Variants in TCF4 observed in about 807,000 individuals in gnomAD.
The protein encoded by TCF4 is transcription factor 4, also known as SL3-3 enhancer factor 2.
In TCF4, 3 loss-of-function variants were observed where a neutral mutation model predicts 82.1. The observed-to-expected ratio is 0.04, with a 90% CI of 0.02 to 0.09. TCF4 has a LOEUF of 0.09. TCF4 is among the 10% of genes least tolerant of loss of function. The pLI, the probability that TCF4 is intolerant of heterozygous loss-of-function variation, is 1.00. For synonymous variants in TCF4, 276 were observed against 309.6 expected, an observed-to-expected ratio of 0.89 and a Z score of 1.14; for missense variants, 518 against 852.7, an observed-to-expected ratio of 0.61 and a Z score of 4.89.
chr18:55,454,674 T>G (rs532080729), intron 5 of TCF4, among the ~76,000 whole-genome samples: 1 of 152,264 alleles, frequency 6.6e-6, no homozygotes, highest in South Asian at 2.1e-4. Context: ...CTTGAAGGTA[T>G]TCATAAAATA....
intron 7 of TCF4, 105 bp from the exon 8 acceptor site, chr18:55,350,513 T>C (rs891095679): frequency 1.7e-6 from 2 of 1,170,760 alleles, no homozygotes; most frequent in Non-Finnish European, 2.5e-6. Context: ...CCTTAAATCA[T>C]TACCTTAGCA....
At chr18:55,524,728 A>C (rs1236198048) in intron 3 of TCF4, among the ~76,000 whole-genome samples, 2 of 152,138 alleles carry the variant, frequency 1.3e-5, no homozygotes, top group Non-Finnish European at 2.9e-5. Flanking sequence ...CCCAAGCACT[A>C]CTGTGGTGGT....
intron 1 of TCF4, among the ~76,000 whole-genome samples, chr18:55,634,179 G>C (rs2097734037): frequency 6.6e-6 from 1 of 152,144 alleles, no homozygotes; most frequent in Non-Finnish European, 1.5e-5. Context: ...TGAGACAGGA[G>C]AATGGCTTGA....
chr18:55,536,815 T>C (rs2097120163), intron 3 of TCF4, among the ~76,000 whole-genome samples: 1 of 152,226 alleles, frequency 6.6e-6, no homozygotes, highest in African/African-American at 2.4e-5. Flanking sequence ...ACAAAGTATG[T>C]ATCTTCCATC....
intron 3 of TCF4, among the ~76,000 whole-genome samples, chr18:55,512,797 TA>T (rs1393776360): frequency 2.6e-5 from 4 of 152,010 alleles, no homozygotes; most frequent in South Asian, 2.1e-4. Flanking sequence ...AATAAAAAGT[TA>T]AAAAAATAAT....
chr18:55,291,707 C>G (rs187674756), intron 8 of TCF4, among the ~76,000 whole-genome samples: 34 of 152,248 alleles, frequency 2.2e-4, no homozygotes, highest in African/African-American at 7.9e-4. Context: ...AAATGCCCAC[C>G]CTCTTCCCTC....
At chr18:55,589,390 G>A, upstream of TCF4, 1 of 1,054,902 alleles carries the variant, frequency 9.5e-7, no homozygotes, top group Non-Finnish European at 1.1e-6. Context: ...TATCTCACAT[G>A]TGTATCCCCA....
intron 15 of TCF4, among the ~76,000 whole-genome samples, chr18:55,247,786 A>G (rs2053748291): frequency 1.3e-5 from 2 of 152,234 alleles, no homozygotes. Context: ...AAAAACACTC[A>G]GCAGACTGTC....
chr18:55,254,722 A>C, intron 14 of TCF4, 22 bp from the exon 15 acceptor site: 1 of 1,590,324 alleles, frequency 6.3e-7, no homozygotes, highest in Non-Finnish European at 8.6e-7. Flanking sequence ...CAAATGATGT[A>C]AAATTTGATT....
intron 3 of TCF4, among the ~76,000 whole-genome samples, chr18:55,477,508 C>T (rs954941284): frequency 2.0e-5 from 3 of 152,142 alleles, no homozygotes; most frequent in African/African-American, 7.2e-5. Context: ...TAAACCATGT[C>T]AGCAATGAAA....
At chr18:55,249,127 G>C (rs542818661) in intron 15 of TCF4, among the ~76,000 whole-genome samples, 1 of 152,224 alleles carries the variant, frequency 6.6e-6, no homozygotes, top group South Asian at 2.1e-4. Flanking sequence ...TTCAAAGAAG[G>C]GCAATGGGCT....
At chr18:55,339,201 T>TA (rs1206989145) in intron 8 of TCF4, among the ~76,000 whole-genome samples, 3 of 151,624 alleles carry the variant, frequency 2.0e-5, no homozygotes, top group Non-Finnish European at 2.9e-5. Context: ...AAAGTAGTAT[T>TA]AAAAAAAAAT....
chr18:55,582,600 G>A (rs1411665487), intron 3 of TCF4, among the ~76,000 whole-genome samples: 2 of 152,046 alleles, frequency 1.3e-5, no homozygotes, highest in African/African-American at 4.8e-5. Context: ...GAAAAACCAT[G>A]TTTGTGAAAT....
At chr18:55,495,411 T>C (rs1487922044) in intron 3 of TCF4, among the ~76,000 whole-genome samples, 1 of 152,136 alleles carries the variant, frequency 6.6e-6, no homozygotes, top group Admixed American at 6.6e-5. Context: ...AATCTTGTCC[T>C]AAACATACAT....
In TCF4 at chr18:55,279,600, A is replaced by C; in HGVS notation, c.606T>G (p.Pro202=). The C allele has an allele frequency of 1.2e-6, 2 of 1,613,992 alleles. No homozygotes were observed. Among genetic ancestry groups the C allele is most frequent in the Non-Finnish European group, 1.7e-6 (2 of 1,179,902 alleles). Residue 202 remains proline, a synonymous_variant, in exon 9 of 20, where the codon CCT becomes CCG. Coordinates refer to ENST00000354452, the MANE Select transcript of TCF4 (RefSeq NM_001083962.2). ...AAGTGCTGGTTGCTGGTTTGGAGGA[A>C]GGATAGCCTGGCGAGTCCCTATTGT... ...ADYNRDSPGY[P]SSKPATSTFP...
At chr18:55,426,152 T>C (rs896272604) in intron 5 of TCF4, among the ~76,000 whole-genome samples, 15 of 149,884 alleles carry the variant, frequency 1.0e-4, no homozygotes, top group South Asian at 2.1e-4. Context: ...TTCATACGTG[T>C]CTTTTATTGG....
chr18:55,598,022 C>G (rs1455131282), intron 2 of TCF4, among the ~76,000 whole-genome samples: 1 of 152,202 alleles, frequency 6.6e-6, no homozygotes, highest in African/African-American at 2.4e-5. Context: ...AACTTCCCAG[C>G]CTTTACATGC....
intron 5 of TCF4, among the ~76,000 whole-genome samples, chr18:55,431,097 G>A (rs2095175919): frequency 2.0e-5 from 3 of 152,144 alleles, no homozygotes; most frequent in Admixed American, 1.3e-4. Flanking sequence ...AAATGCAGAG[G>A]GTTGTCAAGA....
intron 3 of TCF4, among the ~76,000 whole-genome samples, chr18:55,561,288 T>C (rs1183804979): frequency 1.3e-5 from 2 of 152,200 alleles, no homozygotes; most frequent in Non-Finnish European, 1.5e-5. Context: ...TATCATACAA[T>C]AGGATAATAT....
Sources: gnomAD v4.1 joint callset for allele counts (sites outside exome capture counted in the v4.1 genomes callset) on GRCh38, gnomAD v4.1.1 for gene constraint, MANE v1.5 for transcripts, NCBI Gene and HGNC (gene_info 2026-07-23, HGNC 2026-07-21) for gene names.